XIRP2: variants seen among roughly 807,000 people sequenced by gnomAD.
The protein encoded by XIRP2 is xin actin binding repeat containing 2.
XIRP2 carries 236 observed loss-of-function variants against 277.0 expected under a neutral mutation model. The ratio of observed to expected loss-of-function variants is 0.85; its 90% CI spans 0.77 to 0.95. The LOEUF (loss-of-function observed/expected upper bound fraction) is 0.95, where lower values mean the gene tolerates loss of function less well. Among genes scored for constraint, XIRP2 ranks in the 40% least tolerant of loss-of-function variants. XIRP2 has a pLI of 0.00. For missense variants in XIRP2, 4,640 were observed against 4,157.5 expected, an observed-to-expected ratio of 1.12 and a Z score of -3.19; for synonymous variants, 1,490 against 1,416.5, an observed-to-expected ratio of 1.05 and a Z score of -1.17.
At chr2:167,189,325 T>G (rs1693255603) in intron 3 of XIRP2, among the ~76,000 whole-genome samples, 1 of 152,134 alleles carries the variant, frequency 6.6e-6, no homozygotes. Context: ...TTGTAAGACT[T>G]GTTTGATAGC....
At chr2:167,086,699 T>G (rs1380286152) in intron 2 of XIRP2, among the ~76,000 whole-genome samples, 1 of 151,898 alleles carries the variant, frequency 6.6e-6, no homozygotes, top group Non-Finnish European at 1.5e-5. Flanking sequence ...CATTTCATCT[T>G]CCATTGCTGA....
chr2:167,232,978 G>C (rs570183742), intron 5 of XIRP2, among the ~76,000 whole-genome samples: 2 of 152,022 alleles, frequency 1.3e-5, no homozygotes, highest in African/African-American at 4.8e-5. Flanking sequence ...CTCTATTAGA[G>C]AGACAGATCG....
chr2:167,251,450 G>A lies in XIRP2; in HGVS notation c.10058G>A (p.Arg3353Lys). Residue 3353 changes from arginine (R) to lysine (K), a missense_variant, in exon 9 of 11, where the codon AGA becomes AAA. By Grantham distance (26) the Arg-to-Lys change is conservative (BLOSUM62 2). Transcript: ENST00000409195. ...GPVSEAKSNR[R>K]VYAKGETNHN... ...GTTTCTGAAGCAAAGTCAAATAGAA[G>A]AGTTTATGCAAAGGGAGAAACAAAC... is the stretch of plus-strand genomic sequence containing the variant. The A allele has an allele frequency of 1.2e-6, 2 of 1,613,552 alleles. No individual in the cohort carries two copies. Among genetic ancestry groups the A allele is most frequent in the Non-Finnish European group, 1.7e-6 (2 of 1,179,672 alleles).
chr2:167,173,777 A>G (rs538656686), intron 3 of XIRP2, among the ~76,000 whole-genome samples: 16 of 152,254 alleles, frequency 1.1e-4, no homozygotes, highest in South Asian at 6.2e-4. Context: ...TTTTCTCCAC[A>G]ACCTCACCAG....
At chr2:167,161,292 G>A (rs1692354577) in intron 3 of XIRP2, among the ~76,000 whole-genome samples, 1 of 152,238 alleles carries the variant, frequency 6.6e-6, no homozygotes, top group African/African-American at 2.4e-5. Flanking sequence ...AACTCCACTA[G>A]GTGGTGCCCC....
At position 167,010,386 on chromosome 2, in the gene XIRP2, G is replaced by T. The variant is rs1258546394; in HGVS notation, c.408+106496G>T. Among the ~76,000 whole-genome samples, 3 of 151,790 alleles carry T rather than the reference G, an allele frequency of 2.0e-5. No homozygotes were observed. In the East Asian group the frequency reaches 5.8e-4, roughly 29 times the overall value. On this transcript the variant is annotated intron_variant, in intron 2 of 10. Coordinates refer to ENST00000409195, the MANE Select transcript of XIRP2 (RefSeq NM_152381.6). ...TCAAAGATCAGATAGTTGTAGATAT[G>T]TGGCGTTATTTCTGAGGGCTCTGTT...
intron 2 of XIRP2, among the ~76,000 whole-genome samples, chr2:167,036,815 G>T (rs1480164135): frequency 3.3e-5 from 5 of 152,034 alleles, no homozygotes; most frequent in Non-Finnish European, 5.9e-5. Flanking sequence ...GGGCCCCAGG[G>T]GTAGGTAATT....
Position 167,249,117 on chromosome 2 carries a change from C to G in XIRP2, c.7725C>G (p.Ser2575Arg). The change falls in exon 9 of 11, where the codon AGC (serine) becomes AGG (arginine). Residue 2575 changes from serine (S) to arginine (R), a missense_variant. Ser to Arg is a moderately radical substitution (Grantham distance 110). Coordinates refer to ENST00000409195, the MANE Select transcript of XIRP2 (RefSeq NM_152381.6). Reference sequence around the variant, plus strand: ...ACTACAACATTGTTAAAACTCAAAGCCAAAATCAACACATAACAGAGGTGG... The same window carrying G: ...ACTACAACATTGTTAAAACTCAAAGGCAAAATCAACACATAACAGAGGTGG... ...SSYYNIVKTQ[S>R]QNQHITEVEK... 1 of 1,613,568 alleles carries G rather than the reference C, an allele frequency of 6.2e-7. No homozygotes were observed. The highest frequency in any genetic ancestry group is 8.5e-7 in the Non-Finnish European group (1 of 1,179,762).
chr2:167,101,451 G>C (rs1454414327), intron 2 of XIRP2, among the ~76,000 whole-genome samples: 1 of 152,034 alleles, frequency 6.6e-6, no homozygotes, highest in Non-Finnish European at 1.5e-5. Flanking sequence ...CCAATTTGTA[G>C]CCTTTCATCC....
intron 2 of XIRP2, among the ~76,000 whole-genome samples, chr2:167,111,312 G>C (rs1325301545): frequency 6.6e-6 from 1 of 152,136 alleles, no homozygotes; most frequent in Non-Finnish European, 1.5e-5. Context: ...CCATAGGTTT[G>C]TCATAGATGG....
chr2:166,916,765 T>A (rs1184754452), intron 2 of XIRP2, among the ~76,000 whole-genome samples: 1 of 152,182 alleles, frequency 6.6e-6, no homozygotes, highest in Non-Finnish European at 1.5e-5. Flanking sequence ...AACTTAACAT[T>A]TGATGACAAA....
Position 167,023,401 on chromosome 2 carries a change from A to G in XIRP2, c.409-112508A>G, listed in dbSNP as rs377107899. Among the ~76,000 whole-genome samples, 258 of 151,940 alleles carry G rather than the reference A, an allele frequency of 1.7e-3. 8 individuals carry two copies. The East Asian group carries it at 0.046, about 27-fold the overall frequency. ...TTGCAAAAATTTTCTCCCATTTTGT[A>G]GGTTGCCTGTTCACTCTGATGGTAG... is the stretch of plus-strand genomic sequence containing the variant. On this transcript the variant is annotated intron_variant, in intron 2 of 10. Coordinates refer to ENST00000409195, the MANE Select transcript of XIRP2 (RefSeq NM_152381.6).
At chr2:167,165,171 T>C (rs1226667311) in intron 3 of XIRP2, among the ~76,000 whole-genome samples, 1 of 152,226 alleles carries the variant, frequency 6.6e-6, no homozygotes, top group Non-Finnish European at 1.5e-5. Context: ...TTTTCATGCA[T>C]TGATAGCTCA....
At chr2:167,165,172 T>C (rs2105344381) in intron 3 of XIRP2, among the ~76,000 whole-genome samples, 1 of 152,330 alleles carries the variant, frequency 6.6e-6, no homozygotes, top group African/African-American at 2.4e-5. Flanking sequence ...TTTCATGCAT[T>C]GATAGCTCAT....
At chr2:167,054,042 GGAACTTTAACACAGTTAAAGTTGAGAGA>G (rs1688983322) in intron 2 of XIRP2, among the ~76,000 whole-genome samples, 1 of 152,028 alleles carries the variant, frequency 6.6e-6, no homozygotes, top group Admixed American at 6.6e-5. Flanking sequence ...AACATATTGG[GGAACTTTAACACAGTTAAAGTTGAGAGA>G]GTAAAATTCT....
chr2:167,025,705 G>A (rs541750152), intron 2 of XIRP2, among the ~76,000 whole-genome samples: 48 of 152,078 alleles, frequency 3.2e-4, no homozygotes, highest in African/African-American at 1.1e-3. Context: ...CCTTCATTTC[G>A]TTATGTACCC....
chr2:167,127,335 T>G (rs1428719924), intron 2 of XIRP2, among the ~76,000 whole-genome samples: 1 of 152,190 alleles, frequency 6.6e-6, no homozygotes, highest in African/African-American at 2.4e-5. Flanking sequence ...CAGATGGCAG[T>G]AACATGATCT....
At chr2:166,948,482 A>C (rs923689334) in intron 2 of XIRP2, among the ~76,000 whole-genome samples, 7 of 152,104 alleles carry the variant, frequency 4.6e-5, no homozygotes, top group Non-Finnish European at 7.4e-5. Context: ...CCCTTGGAGA[A>C]GATACGTCAA....
rs778569774 is a variant in XIRP2, at chr2:167,251,060, G to A, written c.9668G>A (p.Arg3223His). The A allele has an allele frequency of 1.2e-5, 19 of 1,613,582 alleles. No individual in the cohort carries two copies. The highest frequency in any genetic ancestry group is 4.4e-5 in the South Asian group (4 of 91,080). Residue 3223 changes from arginine to histidine, a missense_variant, in exon 9 of 11, where the codon CGT becomes CAT. Coordinates refer to ENST00000409195, the MANE Select transcript of XIRP2 (RefSeq NM_152381.6). ...EIIMSPATLR[R>H]QIKIETRGRD... ...ATCATGTCTCCTGCAACACTTCGTC[G>A]TCAAATTAAGATAGAAACTCGTGGT...
Sources: allele counts gnomAD v4.1 joint callset (sites outside exome capture counted in the v4.1 genomes callset), GRCh38; gene constraint gnomAD v4.1.1; transcripts MANE v1.5; gene names NCBI Gene and HGNC (gene_info 2026-07-23, HGNC 2026-07-21).